The following ZNF827 variants were observed in gnomAD, a reference collection of about 807,000 sequenced individuals.
ZNF827 encodes the protein zinc finger protein 827.
Under a neutral mutation model 102.4 loss-of-function variants are expected in ZNF827, and 13 were observed. The observed-to-expected ratio is 0.13, with a 90% CI of 0.08 to 0.20. The LOEUF is 0.20. ZNF827 is among the 10% of genes least tolerant of loss of function. ZNF827 has a pLI of 1.00. For synonymous variants in ZNF827, 523 were observed against 536.2 expected (o/e 0.98, Z 0.34); for missense variants, 1,103 against 1,344.4 (o/e 0.82, Z 2.81).
intron 1 of ZNF827, among the ~76,000 whole-genome samples, chr4:145,906,562 CTG>C (rs1751887125): frequency 6.6e-6 from 1 of 152,136 alleles, no homozygotes; most frequent in Non-Finnish European, 1.5e-5. Context: ...TCCAAACGTG[CTG>C]AAACAGGTGA....
At chr4:145,781,195 CAAAAAAAAAAAA>C (rs10605153) in intron 8 of ZNF827, among the ~76,000 whole-genome samples, 122 of 56,566 alleles carry the variant, frequency 2.2e-3, no homozygotes, top group Non-Finnish European at 3.0e-3. Flanking sequence ...GACACCATCT[CAAAAAAAAAAAA>C]AAAAAAAAAA....
At chr4:145,837,686 G>A (rs1219612835) in intron 7 of ZNF827, among the ~76,000 whole-genome samples, 4 of 152,128 alleles carry the variant, frequency 2.6e-5, no homozygotes, top group African/African-American at 4.8e-5. Context: ...GGACTATGCC[G>A]AATCTCCTTA....
intron 9 of ZNF827, among the ~76,000 whole-genome samples, chr4:145,776,433 C>G (rs532569931): frequency 6.6e-6 from 1 of 151,226 alleles, no homozygotes; most frequent in Non-Finnish European, 1.5e-5. Context: ...TGCACTCCAG[C>G]CTGGGTGACG....
chr4:145,938,420 C>T lies in ZNF827; in HGVS notation c.-13G>A. Reference sequence around the variant, plus strand: ...TCCTCCTGGGCATTTTCCCCCTTTTCTCACATTCTCCTCCTTGGTTAATGT... The same window carrying T: ...TCCTCCTGGGCATTTTCCCCCTTTTTTCACATTCTCCTCCTTGGTTAATGT... On this transcript the variant is annotated 5_prime_UTR_variant, in exon 1 of 15. Transcript: ENST00000508784. 1 of 1,610,508 alleles carries T rather than the reference C, an allele frequency of 6.2e-7. No homozygotes were observed. The highest frequency in any genetic ancestry group is 1.1e-5 in the South Asian group (1 of 90,922).
At chr4:145,923,311 A>C (rs1037842800) in intron 1 of ZNF827, among the ~76,000 whole-genome samples, 1 of 152,180 alleles carries the variant, frequency 6.6e-6, no homozygotes, top group Non-Finnish European at 1.5e-5. Flanking sequence ...AACATGTCAC[A>C]GATTGAATGC....
chr4:145,899,131 G>C (rs1373130461), intron 2 of ZNF827, among the ~76,000 whole-genome samples: 1 of 151,936 alleles, frequency 6.6e-6, no homozygotes. Flanking sequence ...TACGTATTTT[G>C]AATTAAACTA....
At chr4:145,861,872 A>G (rs996621251) in intron 5 of ZNF827, among the ~76,000 whole-genome samples, 4 of 152,224 alleles carry the variant, frequency 2.6e-5, no homozygotes, top group African/African-American at 9.6e-5. Context: ...TTTCGTGGCT[A>G]TATTAACATA....
Position 145,922,929 on chromosome 4 carries a change from A to G in ZNF827, c.43+15436T>C, listed in dbSNP as rs181330962. On this transcript the variant is annotated intron_variant, in intron 1 of 14. Transcript: ENST00000508784. ...ATGTATCTTACACTGTGAATTTGACAGCTTCCCAATACGGTCCTTAAACAC... is the reference window on the plus strand; with the variant it reads ...ATGTATCTTACACTGTGAATTTGACGGCTTCCCAATACGGTCCTTAAACAC... 5.1e-3 allele frequency among the ~76,000 whole-genome samples: 779 copies of G among 152,340 alleles called. 5 individuals are homozygous for G. The highest frequency in any genetic ancestry group is 0.042 in the East Asian group (216 of 5,186).
chr4:145,874,357 T>C (rs1158843672), intron 4 of ZNF827, among the ~76,000 whole-genome samples: 1 of 152,164 alleles, frequency 6.6e-6, no homozygotes, highest in Non-Finnish European at 1.5e-5. Flanking sequence ...TAATGACATA[T>C]CAGAAGAGCA....
intron 7 of ZNF827, among the ~76,000 whole-genome samples, chr4:145,838,274 C>G (rs998542517): frequency 1.3e-5 from 2 of 152,164 alleles, no homozygotes; most frequent in African/African-American, 4.8e-5. Flanking sequence ...CATCCTGGCT[C>G]AAAAGCACCC....
intron 8 of ZNF827, among the ~76,000 whole-genome samples, chr4:145,791,405 G>A (rs1739675951): frequency 6.6e-6 from 1 of 152,172 alleles, no homozygotes; most frequent in Non-Finnish European, 1.5e-5. Context: ...GGATTTTAAT[G>A]TATGAATTGA....
At chr4:145,856,323 A>G (rs1306069427) in intron 5 of ZNF827, among the ~76,000 whole-genome samples, 24 of 152,140 alleles carry the variant, frequency 1.6e-4, no homozygotes. Flanking sequence ...TCTATAAAGG[A>G]TCGGCTTATT....
chr4:145,878,073 C>A (rs948829955), intron 4 of ZNF827, among the ~76,000 whole-genome samples: 3 of 152,196 alleles, frequency 2.0e-5, no homozygotes, highest in Non-Finnish European at 2.9e-5. Flanking sequence ...GACTGCTATA[C>A]TTGTCATTTT....
chr4:145,912,674 A>G (rs1752374679), intron 1 of ZNF827, among the ~76,000 whole-genome samples: 1 of 152,218 alleles, frequency 6.6e-6, no homozygotes, highest in South Asian at 2.1e-4. Context: ...ACACATGCAC[A>G]CAGGAAGAAC....
At chr4:145,780,883 C>T (rs1294570854) in intron 8 of ZNF827, among the ~76,000 whole-genome samples, 2 of 152,210 alleles carry the variant, frequency 1.3e-5, no homozygotes, top group African/African-American at 4.8e-5. Context: ...GTGGTAAGAA[C>T]TTCTCCTAAT....
chr4:145,901,893 GAA>G (rs933378397), intron 2 of ZNF827, among the ~76,000 whole-genome samples: 2 of 150,664 alleles, frequency 1.3e-5, no homozygotes, highest in African/African-American at 2.4e-5. Flanking sequence ...AACTTAGTAA[GAA>G]AAAAAAATCA....
intron 1 of ZNF827, among the ~76,000 whole-genome samples, chr4:145,915,228 A>C (rs1043570571): frequency 9.9e-5 from 15 of 152,098 alleles, no homozygotes; most frequent in Admixed American, 9.8e-4. Context: ...CGGGTGGATC[A>C]CCTGAGGTTG....
intron 3 of ZNF827, among the ~76,000 whole-genome samples, chr4:145,892,042 T>C (rs1750647754): frequency 6.6e-6 from 1 of 152,234 alleles, no homozygotes; most frequent in African/African-American, 2.4e-5. Flanking sequence ...AGGTTCTCTC[T>C]CTCTGCCTTT....
chr4:145,933,619 A>G (rs1753960687), intron 1 of ZNF827, among the ~76,000 whole-genome samples: 1 of 152,210 alleles, frequency 6.6e-6, no homozygotes, highest in South Asian at 2.1e-4. Flanking sequence ...TGAGTAAACA[A>G]TGAAAATACT....
Sources: allele counts gnomAD v4.1 joint callset (sites outside exome capture counted in the v4.1 genomes callset), GRCh38; gene constraint gnomAD v4.1.1; transcripts MANE v1.5; gene names NCBI Gene and HGNC (gene_info 2026-07-23, HGNC 2026-07-21).